The following SDK1 variants were observed in gnomAD, a reference collection of about 807,000 sequenced individuals.
The protein encoded by SDK1 is sidekick cell adhesion molecule 1.
In SDK1, 157 loss-of-function variants were observed where a neutral mutation model predicts 245.5. The ratio of observed to expected loss-of-function variants is 0.64; its 90% CI spans 0.56 to 0.73. SDK1 has a LOEUF of 0.73. Among genes scored for constraint, SDK1 ranks in the 30% least tolerant of loss-of-function variants. SDK1 has a pLI of 0.00. For missense variants in SDK1, 3,583 were observed against 3,002.3 expected (o/e 1.19, Z -4.52); for synonymous variants, 1,647 against 1,278.5 (o/e 1.29, Z -6.15).
chr7:3,472,209 A>G (rs1372037154), intron 1 of SDK1, among the ~76,000 whole-genome samples: 1 of 152,068 alleles, frequency 6.6e-6, no homozygotes, highest in Non-Finnish European at 1.5e-5. Flanking sequence ...TAGTTTTTTT[A>G]GATGTCCATA....
intron 4 of SDK1, among the ~76,000 whole-genome samples, chr7:3,775,908 A>G (rs1780544168): frequency 6.6e-6 from 1 of 152,190 alleles, no homozygotes; most frequent in African/African-American, 2.4e-5. Flanking sequence ...ATTATTTGAT[A>G]AAGTCTTGAC....
intron 14 of SDK1, among the ~76,000 whole-genome samples, chr7:3,992,162 C>T (rs540663558): frequency 6.6e-6 from 1 of 152,274 alleles, no homozygotes; most frequent in African/African-American, 2.4e-5. Context: ...GTTTAGTGGC[C>T]GAGGCAGGCA....
At chr7:4,012,307 A>T in intron 16 of SDK1, 72 bp downstream of exon 16, 3 of 1,403,054 alleles carry the variant, frequency 2.1e-6, no homozygotes, top group Non-Finnish European at 2.8e-6. Context: ...AGGGTTGCAA[A>T]CTCTAATGTC....
At chr7:3,852,895 G>T (rs1306487860) in intron 5 of SDK1, among the ~76,000 whole-genome samples, 2 of 151,346 alleles carry the variant, frequency 1.3e-5, no homozygotes, top group Non-Finnish European at 2.9e-5. Context: ...CCCACCCCCA[G>T]AGTTTTTCTG....
At chr7:3,668,099 A>G (rs1053608103) in intron 4 of SDK1, among the ~76,000 whole-genome samples, 1 of 152,208 alleles carries the variant, frequency 6.6e-6, no homozygotes, top group Admixed American at 6.5e-5. Flanking sequence ...TAGGGGACAG[A>G]GGGATAATGG....
chr7:3,720,778 C>T (rs1171679687), intron 4 of SDK1, among the ~76,000 whole-genome samples: 1 of 152,206 alleles, frequency 6.6e-6, no homozygotes, highest in Non-Finnish European at 1.5e-5. Context: ...ACTACGTTCA[C>T]ACAAAAACCT....
chr7:4,235,602 G>C (rs151209009), intron 41 of SDK1, among the ~76,000 whole-genome samples: 3 of 152,312 alleles, frequency 2.0e-5, no homozygotes, highest in African/African-American at 7.2e-5. Flanking sequence ...CTAATTCAGA[G>C]ATCCAAGATT....
intron 41 of SDK1, among the ~76,000 whole-genome samples, chr7:4,236,348 G>A (rs879658307): frequency 9.9e-5 from 15 of 152,192 alleles, no homozygotes; most frequent in African/African-American, 3.1e-4. Context: ...TGTTCTGAGC[G>A]AGCAGAACGA....
intron 4 of SDK1, among the ~76,000 whole-genome samples, chr7:3,667,951 C>G (rs1783586485): frequency 5.3e-5 from 8 of 152,140 alleles, no homozygotes; most frequent in Admixed American, 5.2e-4. Flanking sequence ...TTATTTTGCC[C>G]AGTTACATGC....
At chr7:3,584,800 T>G (rs1213666881) in intron 1 of SDK1, among the ~76,000 whole-genome samples, 1 of 151,750 alleles carries the variant, frequency 6.6e-6, no homozygotes, top group African/African-American at 2.4e-5. Flanking sequence ...CTGGGCTCAC[T>G]TCAAGCTCCG....
intron 38 of SDK1, among the ~76,000 whole-genome samples, chr7:4,215,557 A>G (rs960629255): frequency 4.6e-5 from 7 of 152,208 alleles, no homozygotes; most frequent in Non-Finnish European, 8.8e-5. Context: ...GAGAGGGGCC[A>G]CCTGGGCCAG....
rs577090177 is a variant in SDK1 at position 3,514,259 on chromosome 7, A to T, written c.299-104821A>T. 4.6e-5 allele frequency among the ~76,000 whole-genome samples: 7 copies of T among 152,314 alleles called. No homozygotes were observed. In the South Asian group the frequency reaches 1.5e-3, roughly 32 times the overall value. The stretch of plus-strand genomic sequence containing the variant: ...ATGGACATTTCTGCATTTTAGAAGT[A>T]GACTATGTTGTACAGTCTCCTGTTA... On this transcript the variant is annotated intron_variant, in intron 1 of 44. Coordinates refer to ENST00000404826, the MANE Select transcript of SDK1 (RefSeq NM_152744.4).
At chr7:3,479,953 A>G (rs578255901) in intron 1 of SDK1, among the ~76,000 whole-genome samples, 1 of 151,624 alleles carries the variant, frequency 6.6e-6, no homozygotes, top group African/African-American at 2.4e-5. Context: ...CTTTGAAGCT[A>G]TGTTATTAGG....
At chr7:3,870,881 T>G (rs573599062) in intron 5 of SDK1, among the ~76,000 whole-genome samples, 8 of 152,334 alleles carry the variant, frequency 5.3e-5, no homozygotes, top group African/African-American at 1.9e-4. Flanking sequence ...TAATAACAGT[T>G]TCTCATCCCT....
chr7:4,239,688 C>T (rs530902752), intron 42 of SDK1, among the ~76,000 whole-genome samples: 6 of 152,164 alleles, frequency 3.9e-5, no homozygotes, highest in Middle Eastern at 3.2e-3. Flanking sequence ...TTTGATCCTA[C>T]GGAGCATCCA....
intron 4 of SDK1, among the ~76,000 whole-genome samples, chr7:3,657,270 A>G (rs1353364004): frequency 6.6e-6 from 1 of 152,154 alleles, no homozygotes; most frequent in African/African-American, 2.4e-5. Context: ...AGGGCAAAAC[A>G]TGCTAAACAG....
chr7:3,835,777 T>C (rs1780016825), intron 5 of SDK1, among the ~76,000 whole-genome samples: 1 of 148,440 alleles, frequency 6.7e-6, no homozygotes, highest in Non-Finnish European at 1.5e-5. Flanking sequence ...AGAGCTTTTG[T>C]TGGTGGAATC....
chr7:3,950,918 C>G lies in SDK1; in HGVS notation c.848-5C>G. On this transcript the variant is annotated splice_region_variant and splice_polypyrimidine_tract_variant and intron_variant, in intron 5 of 44. Coordinates refer to ENST00000404826, the MANE Select transcript of SDK1 (RefSeq NM_152744.4). ...TCATGGACATTTCTCTTTTCTCTGC[C>G]ACAGGAGATGTTGGCACACCTGAAA... The G allele has an allele frequency of 6.2e-7, 1 of 1,609,974 alleles. No individual in the cohort carries two copies. Among genetic ancestry groups the G allele is most frequent in the Non-Finnish European group, 8.5e-7 (1 of 1,176,360 alleles).
chr7:4,045,066 A>G (rs1043256988), intron 17 of SDK1, among the ~76,000 whole-genome samples: 3 of 152,092 alleles, frequency 2.0e-5, no homozygotes, highest in African/African-American at 4.8e-5. Context: ...AGTGTCATGC[A>G]TTTGAGATTC....
Sources: gnomAD v4.1 joint callset for allele counts (sites outside exome capture counted in the v4.1 genomes callset) on GRCh38, gnomAD v4.1.1 for gene constraint, MANE v1.5 for transcripts, NCBI Gene and HGNC (gene_info 2026-07-23, HGNC 2026-07-21) for gene names.